The following ABI3BP variants were observed in gnomAD, a reference collection of about 807,000 sequenced individuals.
ABI3BP encodes ABI family member 3 binding protein, also known as target of Nesh-SH3.
In ABI3BP, 216 loss-of-function variants were observed where a neutral mutation model predicts 268.6. The ratio of observed to expected loss-of-function variants is 0.80; its 90% CI spans 0.72 to 0.90. The LOEUF (loss-of-function observed/expected upper bound fraction) is 0.90. Ranked by LOEUF, ABI3BP falls within the 40% of genes least tolerant of loss-of-function variation. The pLI is 0.00. For missense variants in ABI3BP, 2,090 were observed against 2,182.4 expected (o/e 0.96, Z 0.84); for synonymous variants, 730 against 730.0 (o/e 1.00, Z 0.00).
chr3:100,949,550 G>A (rs1032442673), intron 1 of ABI3BP, among the ~76,000 whole-genome samples: 1 of 152,204 alleles, frequency 6.6e-6, no homozygotes, highest in African/African-American at 2.4e-5. Flanking sequence ...ACAGGCATGA[G>A]CCACCTTGCC....
At chr3:100,810,574 A>T in intron 48 of ABI3BP, 97 bp from the exon 49 acceptor site, 1 of 820,298 alleles carries the variant, frequency 1.2e-6, no homozygotes, top group Non-Finnish European at 1.8e-6. Flanking sequence ...ATTTTTTTAA[A>T]ATAAAGAAAA....
At chr3:100,879,920 T>C (rs763934153) in intron 6 of ABI3BP, among the ~76,000 whole-genome samples, 1 of 152,158 alleles carries the variant, frequency 6.6e-6, no homozygotes, top group Non-Finnish European at 1.5e-5. Context: ...CATTCAGAAA[T>C]TCACAATGTG....
At chr3:100,870,632 T>C (rs2099099958) in intron 9 of ABI3BP, among the ~76,000 whole-genome samples, 1 of 152,176 alleles carries the variant, frequency 6.6e-6, no homozygotes. Context: ...TAGAAAATGG[T>C]ATGGAGTTTC....
At chr3:100,807,719 T>C (rs1167918952) in intron 50 of ABI3BP, among the ~76,000 whole-genome samples, 1 of 151,990 alleles carries the variant, frequency 6.6e-6, no homozygotes, top group Non-Finnish European at 1.5e-5. Flanking sequence ...AGATTAGTGG[T>C]CGCGAAGCTT....
intron 63 of ABI3BP, among the ~76,000 whole-genome samples, chr3:100,761,108 TATAAG>T (rs1400866944): frequency 2.0e-5 from 3 of 152,154 alleles, no homozygotes; most frequent in African/African-American, 4.8e-5. Context: ...GGCTCCCACT[TATAAG>T]AGAACATACA....
intron 52 of ABI3BP, 27 bp from the exon 53 acceptor site, chr3:100,795,878 A>G (rs1251233166): frequency 7.8e-7 from 1 of 1,275,380 alleles, no homozygotes; most frequent in Non-Finnish European, 1.0e-6. Context: ...CCAAAGGAAC[A>G]TATTTATGAG....
intron 3 of ABI3BP, among the ~76,000 whole-genome samples, chr3:100,901,194 A>T (rs1237049675): frequency 6.6e-6 from 1 of 152,212 alleles, no homozygotes; most frequent in Non-Finnish European, 1.5e-5. Context: ...CTATGAGGCC[A>T]GGAAAAAGAA....
intron 1 of ABI3BP, among the ~76,000 whole-genome samples, chr3:100,960,263 G>A (rs2078553987): frequency 6.6e-6 from 1 of 152,166 alleles, no homozygotes. Flanking sequence ...GCATTCAAGA[G>A]GGGTAGTATG....
chr3:100,759,301 T>C (rs1282500604), intron 63 of ABI3BP, among the ~76,000 whole-genome samples: 1 of 152,030 alleles, frequency 6.6e-6, no homozygotes, highest in East Asian at 1.9e-4. Context: ...CTGCTCAACA[T>C]GGGAAAGGAG....
Position 100,778,255 on chromosome 3 carries a change from G to A in ABI3BP, c.4333+29C>T, listed in dbSNP as rs768081920. ...TGGCTAGTAAAACCGAAATCATGGC[G>A]GGAAAAGGAAGGTACATGACTAACG... On this transcript the variant is annotated intron_variant, in intron 59 of 67. Coordinates refer to ENST00000471714, the MANE Select transcript of ABI3BP (RefSeq NM_001375547.2). The A allele has an allele frequency of 2.4e-5, 39 of 1,598,668 alleles. 1 individual carries two copies. The highest frequency in any genetic ancestry group is 3.3e-4 in the Middle Eastern group (2 of 6,064).
chr3:100,959,433 T>G (rs1433233793), intron 1 of ABI3BP, among the ~76,000 whole-genome samples: 1 of 130,792 alleles, frequency 7.6e-6, no homozygotes, highest in Non-Finnish European at 1.5e-5. Context: ...GAGCTTGCAG[T>G]GAGCCGAGAT....
chr3:100,883,521 T>C (rs2040437031), intron 6 of ABI3BP, among the ~76,000 whole-genome samples: 1 of 152,060 alleles, frequency 6.6e-6, no homozygotes, highest in Non-Finnish European at 1.5e-5. Context: ...AAAATACAAC[T>C]GGCTAATAAG....
At chr3:100,932,582 C>G (rs992071527) in intron 1 of ABI3BP, among the ~76,000 whole-genome samples, 2 of 152,046 alleles carry the variant, frequency 1.3e-5, no homozygotes, top group African/African-American at 2.4e-5. Context: ...GTGTGGCCAA[C>G]AAGCACATGA....
At position 100,886,162 on chromosome 3, in the gene ABI3BP, T is replaced by C. The variant is rs201637041; in HGVS notation, c.623A>G (p.Asn208Ser). Reference sequence around the variant, plus strand: ...CTTACTTCCAACAACAGTCTTGTGATTGAAAATCTTACTCCAAATTCCACC... The same window carrying C: ...CTTACTTCCAACAACAGTCTTGTGACTGAAAATCTTACTCCAAATTCCACC... The part of the protein sequence containing the change: ...VEGGIWSKIF[N>S]HKTVVGSKKV... Residue 208 changes from asparagine to serine, a missense_variant, in exon 5 of 68, where the codon AAT (asparagine) becomes AGT (serine). By Grantham distance (46) the Asn-to-Ser change is conservative. Coordinates refer to ENST00000471714, the MANE Select transcript of ABI3BP (RefSeq NM_001375547.2). The C allele has an allele frequency of 4.2e-4, 677 of 1,599,490 alleles. No individual in the cohort carries two copies. The highest frequency in any genetic ancestry group is 5.6e-4 in the Non-Finnish European group (655 of 1,173,624).
intron 6 of ABI3BP, among the ~76,000 whole-genome samples, chr3:100,880,746 G>A (rs1440201946): frequency 6.6e-6 from 1 of 152,146 alleles, no homozygotes; most frequent in Non-Finnish European, 1.5e-5. Context: ...CAAGGAACTT[G>A]CGTCTCACCC....
At chr3:100,775,977 A>G (rs1470895469) in intron 59 of ABI3BP, among the ~76,000 whole-genome samples, 3 of 152,166 alleles carry the variant, frequency 2.0e-5, no homozygotes, top group African/African-American at 7.2e-5. Context: ...GGCATGGAAG[A>G]TGGCTACAGA....
intron 1 of ABI3BP, among the ~76,000 whole-genome samples, chr3:100,992,788 G>A (rs1279740827): frequency 2.0e-5 from 3 of 152,180 alleles, no homozygotes; most frequent in African/African-American, 7.2e-5. Context: ...AACTCCACTG[G>A]AGGGACGTGT....
chr3:100,801,585 TATC>T (rs2097539108), intron 51 of ABI3BP, among the ~76,000 whole-genome samples: 1 of 152,130 alleles, frequency 6.6e-6, no homozygotes. Context: ...ATATTTAATA[TATC>T]ATCAGGCAAA....
chr3:100,970,931 T>C (rs554043024), intron 1 of ABI3BP, among the ~76,000 whole-genome samples: 1 of 152,300 alleles, frequency 6.6e-6, no homozygotes, highest in African/African-American at 2.4e-5. Flanking sequence ...ACATGCTCCA[T>C]GCCAAGAGTT....
Sources: allele counts gnomAD v4.1 joint callset (sites outside exome capture counted in the v4.1 genomes callset), GRCh38; gene constraint gnomAD v4.1.1; transcripts MANE v1.5; gene names NCBI Gene and HGNC (gene_info 2026-07-23, HGNC 2026-07-21).